Variants in FAM133A observed in about 807,000 individuals in gnomAD.
The protein encoded by FAM133A is family with sequence similarity 133 member A, also known as protein FAM133A.
For synonymous variants in FAM133A, 65 were observed against 58.6 expected (o/e 1.11, Z -0.50); for missense variants, 159 against 164.4 (o/e 0.97, Z 0.18).
intron 2 of FAM133A, among the ~76,000 whole-genome samples, chrX:93,695,434 A>G (rs776017536): frequency 9.9e-6 from 1 of 101,169 alleles, no homozygotes; most frequent in African/African-American, 3.6e-5. Flanking sequence ...TTCTAGTTTT[A>G]GTAGAGATGG....
At chrX:93,692,928 A>G (rs1925983733) in intron 2 of FAM133A, among the ~76,000 whole-genome samples, 1 of 111,595 alleles carries the variant, frequency 9.0e-6, no homozygotes, top group African/African-American at 3.2e-5. Flanking sequence ...AAGGAAATTA[A>G]TTCCTACTAA....
chrX:93,685,682 A>G (rs773193485), intron 2 of FAM133A, among the ~76,000 whole-genome samples: 2 of 111,926 alleles, frequency 1.8e-5, no homozygotes, highest in Admixed American at 1.9e-4. Flanking sequence ...TCCCTTCTAC[A>G]CTGTCTTACG....
chrX:93,689,823 A>G (rs936353934), intron 2 of FAM133A, among the ~76,000 whole-genome samples: 3 of 111,787 alleles, frequency 2.7e-5, no homozygotes, highest in African/African-American at 9.7e-5. Context: ...GGGCACATTT[A>G]AGAGATGCTT....
chrX:93,696,276 A>C (rs918298610), intron 2 of FAM133A, among the ~76,000 whole-genome samples: 1 of 111,388 alleles, frequency 9.0e-6, no homozygotes, highest in Non-Finnish European at 1.9e-5. Flanking sequence ...GGAGGTGAAG[A>C]ACAGAAAATA....
chrX:93,689,288 C>T (rs1470934712), intron 2 of FAM133A, among the ~76,000 whole-genome samples: 1 of 110,632 alleles, frequency 9.0e-6, no homozygotes, highest in African/African-American at 3.3e-5. Context: ...GTGATCCTCC[C>T]ACCTCGGCCT....
In FAM133A at chrX:93,709,858, C is replaced by G. The variant is rs1443292581; in HGVS notation, c.439C>G (p.His147Asp). The change falls in exon 4 of 4, where the codon CAT (histidine) becomes GAT (aspartate). Residue 147 changes from histidine (H) to aspartate (D), a missense_variant. Physicochemically the swap from His to Asp is moderately conservative, Grantham distance 81. Coordinates refer to ENST00000683942, the MANE Select transcript of FAM133A (RefSeq NM_001171109.2). ...ATACAAATCATCCCAAAGCTCTACG[C>G]ATGAATCAGAATCAGAGAGCAAGGA... is the stretch of plus-strand genomic sequence containing the variant. ...RSYKSSQSST[H>D]ESESESKESV... 1 of 1,202,341 alleles carries G rather than the reference C, an allele frequency of 8.3e-7. No individual in the cohort carries two copies. Among genetic ancestry groups the G allele is most frequent in the Non-Finnish European group, 1.1e-6 (1 of 890,851 alleles).
chrX:93,701,587 T>A (rs1926709374), intron 3 of FAM133A, among the ~76,000 whole-genome samples: 1 of 111,989 alleles, frequency 8.9e-6, no homozygotes, highest in Admixed American at 9.5e-5. Context: ...TCATATGTAG[T>A]CATGTCCCAC....
At chrX:93,693,536 G>C (rs1429719179) in intron 2 of FAM133A, among the ~76,000 whole-genome samples, 1 of 110,822 alleles carries the variant, frequency 9.0e-6, no homozygotes, top group Non-Finnish European at 1.9e-5. Context: ...TTGCCTTTTT[G>C]AAGTGTGCCC....
At chrX:93,677,774 T>C (rs1025019676) in intron 2 of FAM133A, among the ~76,000 whole-genome samples, 15 of 112,483 alleles carry the variant, frequency 1.3e-4, no homozygotes, top group African/African-American at 4.8e-4. Context: ...TGTTTACTGC[T>C]GAGTAATTAT....
chrX:93,699,133 G>T (rs911731031), intron 3 of FAM133A, among the ~76,000 whole-genome samples: 1 of 111,010 alleles, frequency 9.0e-6, no homozygotes, highest in African/African-American at 3.3e-5. Flanking sequence ...GAATGAATTT[G>T]GCAGAAGATA....
At chrX:93,679,067 T>C (rs1463987596) in intron 2 of FAM133A, among the ~76,000 whole-genome samples, 2 of 111,474 alleles carry the variant, frequency 1.8e-5, no homozygotes, top group Non-Finnish European at 3.8e-5. Flanking sequence ...GTTGCCAGTG[T>C]GTAGATGTCC....
At chrX:93,679,224 TA>T (rs1250472614) in intron 2 of FAM133A, among the ~76,000 whole-genome samples, 2 of 110,755 alleles carry the variant, frequency 1.8e-5, no homozygotes, top group African/African-American at 6.5e-5. Flanking sequence ...AAATTATAGT[TA>T]AAAAAAGAAT....
At chrX:93,697,152 A>G (rs891638264) in intron 2 of FAM133A, among the ~76,000 whole-genome samples, 4 of 84,102 alleles carry the variant, frequency 4.8e-5, no homozygotes, top group Non-Finnish European at 8.7e-5. Flanking sequence ...TGTATTTTTA[A>G]TAAATATAGG....
At chrX:93,687,131 A>C (rs112046323) in intron 2 of FAM133A, among the ~76,000 whole-genome samples, 7,762 of 112,330 alleles carry the variant, frequency 0.069, 614 homozygotes, top group African/African-American at 0.23. Flanking sequence ...CAATGAGTGG[A>C]TAAAGAAAAT....
chrX:93,701,012 C>T (rs1411880013), intron 3 of FAM133A, among the ~76,000 whole-genome samples: 1 of 111,063 alleles, frequency 9.0e-6, no homozygotes, highest in Non-Finnish European at 1.9e-5. Context: ...ATGCTTAAGG[C>T]CTTATCTTTG....
At chrX:93,676,037 ATTTATT>A (rs1429433069) in intron 2 of FAM133A, among the ~76,000 whole-genome samples, 1 of 111,020 alleles carries the variant, frequency 9.0e-6, no homozygotes, top group Non-Finnish European at 1.9e-5. Flanking sequence ...TTTTTAAAAT[ATTTATT>A]TTTATTAGCT....
In FAM133A at chrX:93,681,100, A is replaced by G. The variant is rs34766110; in HGVS notation, c.-193+6348A>G. 4.3e-3 allele frequency among the ~76,000 whole-genome samples: 480 copies of G among 111,435 alleles called. 2 individuals carry two copies. The highest frequency in any genetic ancestry group is 0.022 in the South Asian group (58 of 2,694). On this transcript the variant is annotated intron_variant, in intron 2 of 3. Transcript: ENST00000683942. ...TGTAGTACTCATCTGAAGAATTTCC[A>G]TCCTACAATTCAAATAAAGCAAGCC...
At chrX:93,706,339 T>C (rs769822398) in intron 3 of FAM133A, among the ~76,000 whole-genome samples, 2 of 111,958 alleles carry the variant, frequency 1.8e-5, no homozygotes, top group African/African-American at 6.5e-5. Context: ...GCTAATTTCT[T>C]AATGCATACT....
intron 2 of FAM133A, among the ~76,000 whole-genome samples, chrX:93,692,813 C>T (rs1925975641): frequency 9.0e-6 from 1 of 111,402 alleles, no homozygotes; most frequent in Non-Finnish European, 1.9e-5. Context: ...TTGTTTACTT[C>T]CATGTTGTCA....
Sources: gnomAD v4.1 joint callset for allele counts (sites outside exome capture counted in the v4.1 genomes callset) on GRCh38, gnomAD v4.1.1 for gene constraint, MANE v1.5 for transcripts, NCBI Gene and HGNC (gene_info 2026-07-23, HGNC 2026-07-21) for gene names.